The following ST7 variants were observed in gnomAD, a reference collection of about 807,000 sequenced individuals.
ST7 encodes suppressor of tumorigenicity 7 protein.
ST7 carries 28 observed loss-of-function variants against 78.7 expected under a neutral mutation model. The ratio of observed to expected loss-of-function variants is 0.36; its 90% CI spans 0.26 to 0.49. The LOEUF (loss-of-function observed/expected upper bound fraction) is 0.49, where lower values mean the gene tolerates loss of function less well. ST7 is among the 20% of genes least tolerant of loss of function. ST7 has a pLI of 0.99. For missense variants in ST7, 418 were observed against 696.0 expected, an observed-to-expected ratio of 0.60 and a Z score of 4.49; for synonymous variants, 247 against 249.6, an observed-to-expected ratio of 0.99 and a Z score of 0.10.
chr7:116,995,793 C>G (rs1400967622), intron 1 of ST7, among the ~76,000 whole-genome samples: 1 of 152,196 alleles, frequency 6.6e-6, no homozygotes, highest in Non-Finnish European at 1.5e-5. Flanking sequence ...ACCATATCTT[C>G]TAACTTTTCA....
In ST7 at chr7:117,190,694, G is replaced by A; in HGVS notation, c.1152-140G>A. 1.6e-6 allele frequency: 1 copy of A among 639,214 alleles called. No homozygotes were observed. Among genetic ancestry groups the A allele is most frequent in the Non-Finnish European group, 2.7e-6 (1 of 366,578 alleles). 39.6% of individuals were successfully genotyped at this position (639,214 alleles called of 1,614,324 possible). On this transcript the variant is annotated intron_variant, in intron 11 of 15. Transcript: ENST00000323984. The surrounding 1 kb of genome is among the most constrained non-coding windows in gnomAD (Gnocchi z 5.2). The stretch of plus-strand genomic sequence containing the variant: ...TGGCCTCGGTCCGTGGGGTCACTCA[G>A]AGGTTCCATGCAGTAGAAGTTTGGA...
At chr7:117,213,807 A>C (rs1275469112) in intron 13 of ST7, among the ~76,000 whole-genome samples, 1 of 152,188 alleles carries the variant, frequency 6.6e-6, no homozygotes, top group Non-Finnish European at 1.5e-5. Flanking sequence ...AGATTTTATA[A>C]TATGTTTCCA....
rs1804776606 is a variant in ST7 at position 117,136,205 on chromosome 7, C to T, written c.835C>T (p.His279Tyr). ...GCYRRSQQLQ[H>Y]HGSQYEAQHR... ...TTACCGACGCTCTCAGCAGCTACAA[C>T]ATCATGGATCCCAGTATGAAGCCCA... The change falls in exon 8 of 16, where the codon CAT becomes TAT. Residue 279 changes from histidine (H) to tyrosine (Y), a missense_variant. Transcript: ENST00000323984. The T allele has an allele frequency of 6.2e-7, 1 of 1,613,696 alleles. No individual in the cohort carries two copies. Among genetic ancestry groups the T allele is most frequent in the Non-Finnish European group, 8.5e-7 (1 of 1,179,718 alleles).
chr7:117,131,626 C>T (rs1323851140), intron 5 of ST7, among the ~76,000 whole-genome samples: 1 of 151,830 alleles, frequency 6.6e-6, no homozygotes, highest in Non-Finnish European at 1.5e-5. Flanking sequence ...CACGCAAAAT[C>T]TCTGTTAGAG....
At chr7:117,030,436 G>A (rs1286226206) in intron 1 of ST7, among the ~76,000 whole-genome samples, 1 of 152,180 alleles carries the variant, frequency 6.6e-6, no homozygotes, top group Non-Finnish European at 1.5e-5. Flanking sequence ...ATGTTGTCAT[G>A]AAGAAGTCTT....
intron 1 of ST7, among the ~76,000 whole-genome samples, chr7:117,031,824 A>G (rs1190795197): frequency 0.4 from 4,620 of 11,428 alleles, 439 homozygotes; most frequent in East Asian, 0.61. Flanking sequence ...GCATATATCT[A>G]TATCTATATC....
chr7:116,983,231 T>A (rs373853996), intron 1 of ST7, among the ~76,000 whole-genome samples: 3 of 152,320 alleles, frequency 2.0e-5, no homozygotes, highest in East Asian at 3.9e-4. Context: ...TTCTTATCTA[T>A]CTCTCTTGAA....
chr7:116,956,565 C>CAGCCAGG (rs1792504998), intron 1 of ST7: 1 of 471,090 alleles, frequency 2.1e-6, no homozygotes, highest in Admixed American at 2.3e-5. Flanking sequence ...CACAATCAGG[C>CAGCCAGG]AGCCAGGAGC....
intron 1 of ST7, among the ~76,000 whole-genome samples, chr7:117,089,409 G>A (rs1800410087): frequency 6.6e-6 from 1 of 151,942 alleles, no homozygotes; most frequent in Non-Finnish European, 1.5e-5. Flanking sequence ...GTTTGAAGCA[G>A]GTACACAACA....
intron 2 of ST7, among the ~76,000 whole-genome samples, chr7:117,115,240 C>G (rs1802768157): frequency 6.6e-6 from 1 of 152,106 alleles, no homozygotes; most frequent in African/African-American, 2.4e-5. Context: ...TGCCTTCTAA[C>G]CTGGGAAACA....
intron 15 of ST7, among the ~76,000 whole-genome samples, chr7:117,222,339 A>T (rs1290765233): frequency 6.6e-6 from 1 of 152,224 alleles, no homozygotes; most frequent in African/African-American, 2.4e-5. Flanking sequence ...ATGATTTAGG[A>T]AATCCTAGCA....
intron 1 of ST7, chr7:116,956,545 A>G (rs1792503699): frequency 2.1e-6 from 1 of 471,072 alleles, no homozygotes; most frequent in African/African-American, 2.0e-5. Context: ...AAGGAAGCCA[A>G]AGACACCATC....
intron 3 of ST7, chr7:117,128,433 C>A (rs1259365217): frequency 2.6e-5 from 4 of 151,716 alleles, no homozygotes; most frequent in Non-Finnish European, 5.9e-5. Context: ...TTCACAAGAA[C>A]AAAATTCAGA....
At chr7:117,010,241 C>T (rs868324091) in intron 1 of ST7, among the ~76,000 whole-genome samples, 39 of 152,176 alleles carry the variant, frequency 2.6e-4, no homozygotes, top group Admixed American at 1.5e-3. Context: ...TCTCTCCTCA[C>T]TTCATAGGGT....
At chr7:116,971,617 C>G (rs1340343598) in intron 1 of ST7, among the ~76,000 whole-genome samples, 1 of 152,196 alleles carries the variant, frequency 6.6e-6, no homozygotes, top group Non-Finnish European at 1.5e-5. Context: ...ATTTGGCTAA[C>G]TCCTCCTGGA....
At chr7:117,163,972 A>T (rs555971811) in intron 9 of ST7, among the ~76,000 whole-genome samples, 1 of 152,152 alleles carries the variant, frequency 6.6e-6, no homozygotes. Context: ...TGCAATCTGT[A>T]TCAAAATACC....
intron 1 of ST7, among the ~76,000 whole-genome samples, chr7:117,067,701 A>G (rs537513962): frequency 6.6e-6 from 1 of 152,328 alleles, no homozygotes; most frequent in Non-Finnish European, 1.5e-5. Context: ...ATGGACACAA[A>G]GTTTAAAAGT....
Position 117,190,532 on chromosome 7 carries a change from C to T in ST7, c.1152-302C>T, listed in dbSNP as rs543453742. 3.3e-5 allele frequency among the ~76,000 whole-genome samples: 5 copies of T among 152,310 alleles called. No homozygotes were observed. Among genetic ancestry groups the T allele is most frequent in the South Asian group, 2.1e-4 (1 of 4,822 alleles). On this transcript the variant is annotated intron_variant, in intron 11 of 15. Transcript: ENST00000323984. The surrounding 1 kb of genome is among the most constrained non-coding windows in gnomAD (Gnocchi z 5.2). ...TCCTACACTGTCTGCCCTTGTCAGT[C>T]CTACCTCTTCCCCTGACCTGAGCAG...
chr7:117,065,145 C>T (rs1037174904), intron 1 of ST7, among the ~76,000 whole-genome samples: 9 of 151,350 alleles, frequency 5.9e-5, no homozygotes, highest in African/African-American at 1.7e-4. Flanking sequence ...AAGCATTTGC[C>T]AAGATTCTAT....
Sources: allele counts gnomAD v4.1 joint callset (sites outside exome capture counted in the v4.1 genomes callset), GRCh38; gene constraint gnomAD v4.1.1; non-coding constraint Gnocchi (gnomAD v3.1); transcripts MANE v1.5; gene names NCBI Gene and HGNC (gene_info 2026-07-23, HGNC 2026-07-21).